EPHA6: variants seen among roughly 807,000 people sequenced by gnomAD.
EPHA6 encodes the protein ephrin type-A receptor 6.
In EPHA6, 50 loss-of-function variants were observed where a neutral mutation model predicts 112.0. The observed-to-expected ratio is 0.45, with a 90% CI of 0.36 to 0.56. The LOEUF is 0.56. Ranked by LOEUF, EPHA6 falls within the 20% of genes least tolerant of loss-of-function variation. The pLI, the probability that EPHA6 is intolerant of heterozygous loss-of-function variation, is 0.00. For synonymous variants in EPHA6, 529 were observed against 490.7 expected, an observed-to-expected ratio of 1.08 and a Z score of -1.03; for missense variants, 1,280 against 1,417.4, an observed-to-expected ratio of 0.90 and a Z score of 1.56.
At chr3:97,339,069 C>T (rs1172248967) in intron 5 of EPHA6, among the ~76,000 whole-genome samples, 1 of 152,174 alleles carries the variant, frequency 6.6e-6, no homozygotes, top group Non-Finnish European at 1.5e-5. Flanking sequence ...GAAGCCTGAC[C>T]TCTCACCATC....
Position 97,194,676 on chromosome 3 carries a change from C to A in EPHA6, c.1115-31588C>A, listed in dbSNP as rs1323400025. On this transcript the variant is annotated intron_variant, in intron 3 of 17. Coordinates refer to ENST00000389672, the MANE Select transcript of EPHA6 (RefSeq NM_001080448.3). The stretch of plus-strand genomic sequence containing the variant: ...GCTGAAAGTGGTGTGTTGAAGTTGC[C>A]ATCTATTATTGTATTGGTGTTTTTC... 2.0e-5 allele frequency among the ~76,000 whole-genome samples: 3 copies of A among 149,896 alleles called. 1 individual carries two copies. Among genetic ancestry groups the A allele is most frequent in the Middle Eastern group, 6.8e-3 (2 of 294 alleles).
At chr3:96,894,783 T>A (rs1201599729) in intron 2 of EPHA6, among the ~76,000 whole-genome samples, 1 of 151,838 alleles carries the variant, frequency 6.6e-6, no homozygotes, top group Non-Finnish European at 1.5e-5. Context: ...TGCTTAAGGA[T>A]GAGTGGAATA....
chr3:97,456,548 T>C (rs1015696893), intron 7 of EPHA6, among the ~76,000 whole-genome samples: 1 of 152,154 alleles, frequency 6.6e-6, no homozygotes. Context: ...ATACTCAATA[T>C]TGCTTCAAAC....
At chr3:97,341,032 T>G (rs759846438) in intron 5 of EPHA6, among the ~76,000 whole-genome samples, 10 of 152,170 alleles carry the variant, frequency 6.6e-5, no homozygotes, top group Non-Finnish European at 1.2e-4. Flanking sequence ...TCTCCTCCAT[T>G]AAGTCATTTA....
intron 14 of EPHA6, among the ~76,000 whole-genome samples, chr3:97,675,351 G>A (rs1227278554): frequency 6.6e-6 from 1 of 151,986 alleles, no homozygotes; most frequent in Non-Finnish European, 1.5e-5. Context: ...GGGGTGGTGG[G>A]TGCCTGTAAT....
intron 3 of EPHA6, among the ~76,000 whole-genome samples, chr3:97,048,339 A>T (rs1432472954): frequency 1.3e-5 from 2 of 152,178 alleles, no homozygotes; most frequent in African/African-American, 4.8e-5. Context: ...GCAGGTGAAG[A>T]CACTGCATGT....
chr3:96,840,070 A>G (rs531631713), intron 1 of EPHA6, among the ~76,000 whole-genome samples: 2 of 152,204 alleles, frequency 1.3e-5, no homozygotes, highest in South Asian at 4.1e-4. Flanking sequence ...GTGCTGGCTG[A>G]TAAGTGCTCC....
At chr3:97,588,396 A>T (rs1267866497) in intron 11 of EPHA6, among the ~76,000 whole-genome samples, 1 of 152,194 alleles carries the variant, frequency 6.6e-6, no homozygotes, top group Non-Finnish European at 1.5e-5. Context: ...TCTATTGTCT[A>T]CTTATAGATC....
At chr3:97,620,342 C>T (rs2093803687) in intron 13 of EPHA6, among the ~76,000 whole-genome samples, 1 of 151,934 alleles carries the variant, frequency 6.6e-6, no homozygotes, top group South Asian at 2.1e-4. Flanking sequence ...TAATACCATT[C>T]AGGAGATAGG....
At chr3:97,681,910 C>T (rs1053652262) in intron 14 of EPHA6, among the ~76,000 whole-genome samples, 2 of 152,002 alleles carry the variant, frequency 1.3e-5, no homozygotes, top group African/African-American at 4.8e-5. Flanking sequence ...TAATCTGAAT[C>T]TGTTAACAAA....
chr3:97,437,117 A>G (rs1446358392), intron 6 of EPHA6, among the ~76,000 whole-genome samples: 1 of 151,732 alleles, frequency 6.6e-6, no homozygotes, highest in Non-Finnish European at 1.5e-5. Context: ...GGCCCAAGAC[A>G]GTTCTTCTTT....
chr3:97,212,393 C>G (rs2077901428), intron 3 of EPHA6, among the ~76,000 whole-genome samples: 2 of 152,038 alleles, frequency 1.3e-5, no homozygotes, highest in Admixed American at 1.3e-4. Flanking sequence ...TTTATAGAAA[C>G]AACATAGTAG....
intron 11 of EPHA6, among the ~76,000 whole-genome samples, chr3:97,536,103 C>T (rs950505366): frequency 6.6e-6 from 1 of 152,054 alleles, no homozygotes; most frequent in Non-Finnish European, 1.5e-5. Flanking sequence ...TTAGTACATA[C>T]TTTTTCTCCA....
At chr3:97,471,373 A>C (rs1376845809) in intron 7 of EPHA6, among the ~76,000 whole-genome samples, 1 of 151,696 alleles carries the variant, frequency 6.6e-6, no homozygotes, top group Non-Finnish European at 1.5e-5. Context: ...TGTCTTCCCC[A>C]CTGAACTGAA....
intron 11 of EPHA6, among the ~76,000 whole-genome samples, chr3:97,555,143 A>C (rs1446491036): frequency 3.7e-5 from 5 of 136,086 alleles, no homozygotes; most frequent in Non-Finnish European, 6.1e-5. Context: ...ATGTGCTCTC[A>C]TTGTTCAATT....
intron 1 of EPHA6, among the ~76,000 whole-genome samples, chr3:96,830,478 C>G (rs2033991515): frequency 6.6e-6 from 1 of 151,964 alleles, no homozygotes. Context: ...ACTTATTTTA[C>G]TAATGGAATT....
chr3:96,852,573 AT>A (rs1238118400), intron 1 of EPHA6, among the ~76,000 whole-genome samples: 1 of 150,402 alleles, frequency 6.6e-6, no homozygotes, highest in Admixed American at 6.7e-5. Flanking sequence ...ATAGTACAGT[AT>A]CTTACTAAGT....
chr3:97,334,236 A>G (rs114104722), intron 5 of EPHA6, among the ~76,000 whole-genome samples: 2,155 of 151,958 alleles, frequency 0.014, 67 homozygotes, highest in African/African-American at 0.05. Flanking sequence ...TTTATAAGAG[A>G]TATTGGTCTT....
At chr3:97,158,259 G>A (rs1015104749) in intron 3 of EPHA6, among the ~76,000 whole-genome samples, 1 of 152,070 alleles carries the variant, frequency 6.6e-6, no homozygotes, top group African/African-American at 2.4e-5. Flanking sequence ...CCATCTGTCT[G>A]TAAACACACA....
Sources: gnomAD v4.1 joint callset for allele counts (sites outside exome capture counted in the v4.1 genomes callset) on GRCh38, gnomAD v4.1.1 for gene constraint, MANE v1.5 for transcripts, NCBI Gene and HGNC (gene_info 2026-07-23, HGNC 2026-07-21) for gene names.